The following SFMBT2 variants were observed in gnomAD, a reference collection of about 807,000 sequenced individuals.
SFMBT2 encodes Scm like with four mbt domains 2.
In SFMBT2, 38 loss-of-function variants were observed where a neutral mutation model predicts 110.1. The ratio of observed to expected loss-of-function variants is 0.35; its 90% CI spans 0.27 to 0.45. The LOEUF is 0.45. Ranked by LOEUF, SFMBT2 falls within the 20% of genes least tolerant of loss-of-function variation. SFMBT2 has a pLI of 1.00. For missense variants in SFMBT2, 1,011 were observed against 1,094.9 expected (o/e 0.92, Z 1.08); for synonymous variants, 425 against 425.4 (o/e 1.00, Z 0.01).
At chr10:7,258,756 A>G (rs763164804) in intron 7 of SFMBT2, among the ~76,000 whole-genome samples, 3 of 152,240 alleles carry the variant, frequency 2.0e-5, no homozygotes, top group Non-Finnish European at 2.9e-5. Context: ...TCATTAGAAA[A>G]TTACTCCCGT....
intron 15 of SFMBT2, among the ~76,000 whole-genome samples, chr10:7,191,221 C>T (rs1838591609): frequency 6.6e-6 from 1 of 152,240 alleles, no homozygotes; most frequent in Non-Finnish European, 1.5e-5. Context: ...AGAGTCTACA[C>T]TCAACAGCGC....
chr10:7,227,711 C>A, intron 10 of SFMBT2, 144 bp downstream of exon 10: 1 of 677,532 alleles, frequency 1.5e-6, no homozygotes, highest in East Asian at 2.9e-5. Flanking sequence ...GAAAGCAGAG[C>A]TTTCCAAAAA....
In SFMBT2 at chr10:7,365,200, G is replaced by A. The variant is rs1588483699; in HGVS notation, c.436+2449C>T. Among the ~76,000 whole-genome samples the A allele has an allele frequency of 4.6e-5, 7 of 152,260 alleles. 1 individual carries two copies. Among genetic ancestry groups the A allele is most frequent in the Admixed American group, 4.6e-4 (7 of 15,288 alleles). On this transcript the variant is annotated intron_variant, in intron 4 of 20. Coordinates refer to ENST00000397167, the MANE Select transcript of SFMBT2 (RefSeq NM_001387889.1). ...GAACTAAAAATAAAACCTGACTTAA[G>A]AACAGCCATTCTCCAGCACTCACCT...
rs536419756 is a variant in SFMBT2 at position 7,402,798 on chromosome 10, G to C, written c.-52+8063C>G. ...GGTGTCAGTCTTCAGTTTTCTACAT[G>C]AAAAGGAAATAATCCAATAAAAGAC... On this transcript the variant is annotated intron_variant, in intron 1 of 20. Coordinates refer to ENST00000397167, the MANE Select transcript of SFMBT2 (RefSeq NM_001387889.1). 1.4e-4 allele frequency among the ~76,000 whole-genome samples: 21 copies of C among 152,176 alleles called. No homozygotes were observed. The South Asian group carries it at 3.9e-3, about 29-fold the overall frequency.
chr10:7,196,788 A>C (rs1838782886), intron 15 of SFMBT2, among the ~76,000 whole-genome samples: 3 of 152,226 alleles, frequency 2.0e-5, no homozygotes, highest in African/African-American at 7.2e-5. Context: ...TACGTGTAAG[A>C]AAAGAGCAGA....
intron 15 of SFMBT2, 35 bp downstream of exon 15, chr10:7,197,513 T>A (rs758058848): frequency 1.9e-6 from 3 of 1,597,616 alleles, no homozygotes. Flanking sequence ...AAAATCCTGT[T>A]AAAATAAGCC....
At chr10:7,277,813 G>T (rs534902044) in intron 6 of SFMBT2, among the ~76,000 whole-genome samples, 3 of 152,200 alleles carry the variant, frequency 2.0e-5, no homozygotes, top group Non-Finnish European at 4.4e-5. Flanking sequence ...TCAGACAGAC[G>T]CTTAGGATAT....
chr10:7,191,377 C>T (rs919284922), intron 15 of SFMBT2, among the ~76,000 whole-genome samples: 4 of 152,204 alleles, frequency 2.6e-5, no homozygotes, highest in Non-Finnish European at 4.4e-5. Flanking sequence ...CTCACCCTGC[C>T]GGCAGGGGCT....
At chr10:7,232,071 A>G (rs1334711505) in intron 9 of SFMBT2, among the ~76,000 whole-genome samples, 1 of 152,214 alleles carries the variant, frequency 6.6e-6, no homozygotes, top group Non-Finnish European at 1.5e-5. Context: ...CCCTTAGGCA[A>G]TTAAACTTTG....
intron 4 of SFMBT2, among the ~76,000 whole-genome samples, chr10:7,359,607 C>T (rs1281814902): frequency 1.8e-4 from 28 of 152,204 alleles, no homozygotes; most frequent in Non-Finnish European, 1.2e-4. Context: ...TTCATGCTTA[C>T]GGTTTTCATG....
chr10:7,400,510 A>G (rs1364337834), intron 1 of SFMBT2, among the ~76,000 whole-genome samples: 2 of 152,144 alleles, frequency 1.3e-5, no homozygotes, highest in Non-Finnish European at 2.9e-5. Context: ...AAATTACTCC[A>G]CAGCTGTCGG....
chr10:7,189,982 C>T (rs1838544823), intron 15 of SFMBT2, among the ~76,000 whole-genome samples: 1 of 152,106 alleles, frequency 6.6e-6, no homozygotes, highest in Non-Finnish European at 1.5e-5. Context: ...TTGGTTTGCA[C>T]CCTGATTTAT....
chr10:7,382,933 G>A (rs1395321400), intron 1 of SFMBT2, among the ~76,000 whole-genome samples: 5 of 152,176 alleles, frequency 3.3e-5, no homozygotes, highest in Non-Finnish European at 7.3e-5. Flanking sequence ...GGAGATACCA[G>A]GAGTAATCGT....
intron 1 of SFMBT2, among the ~76,000 whole-genome samples, chr10:7,403,040 C>T (rs1371940726): frequency 9.9e-5 from 15 of 152,166 alleles, no homozygotes; most frequent in Admixed American, 9.8e-4. Flanking sequence ...AGAAATTCAA[C>T]ACTTTTCAAA....
rs533239688 is a variant in SFMBT2 at position 7,327,162 on chromosome 10, C to T, written c.436+40487G>A. Among the ~76,000 whole-genome samples, 4 of 147,654 alleles carry T rather than the reference C, an allele frequency of 2.7e-5. No individual in the cohort carries two copies. The East Asian group carries it at 8.2e-4, about 30-fold the overall frequency. On this transcript the variant is annotated intron_variant, in intron 4 of 20. Coordinates refer to ENST00000397167, the MANE Select transcript of SFMBT2 (RefSeq NM_001387889.1). ...AAAAAAAAAAAAAAAAAAGTTCTCC[C>T]TATTCCTCTCTCGTATCCACAACAA...
intron 3 of SFMBT2, 134 bp from the exon 4 acceptor site, chr10:7,368,023 T>C: frequency 7.0e-6 from 9 of 1,281,140 alleles, no homozygotes; most frequent in African/African-American, 1.5e-5. Flanking sequence ...TGTATTTATC[T>C]AAGTAATACA....
chr10:7,223,250 G>A (rs1047648528), intron 10 of SFMBT2, among the ~76,000 whole-genome samples: 4 of 152,160 alleles, frequency 2.6e-5, no homozygotes, highest in Admixed American at 2.0e-4. Flanking sequence ...ATTCCCATGA[G>A]CAGTGTGTGA....
In SFMBT2 at chr10:7,171,916, C is replaced by T. The variant is rs752754772; in HGVS notation, c.2394G>A (p.Pro798=). 11 of 1,438,334 alleles carry T rather than the reference C, an allele frequency of 7.6e-6. No homozygotes were observed. The Admixed American group carries it at 8.4e-5, about 11-fold the overall frequency. 89.1% of individuals were successfully genotyped at this position (1,438,334 alleles called of 1,614,324 possible). ...SSAEEGEKCP[P]TKPEGTEDTK... ...TCACCTCTGTCCCCTCGGGCTTGGT[C>T]GGCGGGCACTTCTCCCCTTCCTCTG... The change falls in exon 19 of 21, where the codon CCG becomes CCA. Residue 798 remains proline (P), a synonymous_variant. Transcript: ENST00000397167. This position sits in a 1 kb window ranked among gnomAD's most constrained non-coding sequence, Gnocchi z 4.9.
intron 15 of SFMBT2, among the ~76,000 whole-genome samples, chr10:7,195,337 C>A (rs545975233): frequency 6.6e-6 from 1 of 152,162 alleles, no homozygotes; most frequent in Non-Finnish European, 1.5e-5. Context: ...AACCACACTG[C>A]GGAGCCCTTC....
Sources: allele counts gnomAD v4.1 joint callset (sites outside exome capture counted in the v4.1 genomes callset), GRCh38; gene constraint gnomAD v4.1.1; non-coding constraint Gnocchi (gnomAD v3.1); transcripts MANE v1.5; gene names NCBI Gene and HGNC (gene_info 2026-07-23, HGNC 2026-07-21).